The following ERGIC1 variants were observed in gnomAD, a reference collection of about 807,000 sequenced individuals.
ERGIC1 encodes endoplasmic reticulum-golgi intermediate compartment 1, also known as endoplasmic reticulum-Golgi intermediate compartment protein 1.
In ERGIC1, 19 loss-of-function variants were observed where a neutral mutation model predicts 38.3. The observed-to-expected ratio is 0.50, with a 90% CI of 0.35 to 0.73. ERGIC1 has a LOEUF of 0.73. ERGIC1 is among the 30% of genes least tolerant of loss of function. ERGIC1 has a pLI of 0.01. For missense variants in ERGIC1, 294 were observed against 389.2 expected (o/e 0.76, Z 2.06); for synonymous variants, 124 against 157.6 (o/e 0.79, Z 1.60).
intron 1 of ERGIC1, among the ~76,000 whole-genome samples, chr5:172,868,508 T>C (rs1004883477): frequency 3.3e-5 from 5 of 152,148 alleles, no homozygotes; most frequent in Admixed American, 2.0e-4. Context: ...AAGGCAAAAC[T>C]ATGGAGACGG....
intron 1 of ERGIC1, among the ~76,000 whole-genome samples, chr5:172,881,117 C>T (rs1762271665): frequency 6.6e-6 from 1 of 152,100 alleles, no homozygotes; most frequent in African/African-American, 2.4e-5. Context: ...CATGGTGGCA[C>T]ATGCCTGTAA....
chr5:172,876,157 C>T (rs1762136019), intron 1 of ERGIC1, among the ~76,000 whole-genome samples: 1 of 152,148 alleles, frequency 6.6e-6, no homozygotes, highest in Admixed American at 6.5e-5. Context: ...TCACTGCGTT[C>T]AGGCAGGCAG....
chr5:172,838,848 C>T (rs888156841), intron 1 of ERGIC1, among the ~76,000 whole-genome samples: 2 of 152,350 alleles, frequency 1.3e-5, no homozygotes, highest in East Asian at 3.9e-4. Context: ...TAACATTCAG[C>T]AGAGAGTAGC....
chr5:172,868,136 G>A (rs1449957142), intron 1 of ERGIC1, among the ~76,000 whole-genome samples: 1 of 152,242 alleles, frequency 6.6e-6, no homozygotes, highest in Admixed American at 6.5e-5. Context: ...CTTGCTACGT[G>A]CTGGGAGCTG....
chr5:172,893,911 G>GTATATATATATATATACACACA (rs1581549097), intron 2 of ERGIC1, among the ~76,000 whole-genome samples: 1 of 35,072 alleles, frequency 2.9e-5, no homozygotes, highest in South Asian at 9.8e-4. Context: ...ATATATGTGT[G>GTATATATATATATATACACACA]TGTGTGTGTG....
Position 172,888,753 on chromosome 5 carries a change from G to A in ERGIC1, c.75G>A (p.Gly25=), listed in dbSNP as rs1762482884. The change falls in exon 2 of 10, where the codon GGG becomes GGA. Residue 25 remains glycine (G), a synonymous_variant. Coordinates refer to ENST00000393784, the MANE Select transcript of ERGIC1 (RefSeq NM_001031711.3). ...PKDLTQPTYT[G]AIISICCCLF... is the part of the protein sequence containing the mutation. ...ACCTTACGCAGCCAACGTACACCGG[G>A]GCCATTAGTGAGTAGCCAACCTCTG... 1 of 1,614,104 alleles carries A rather than the reference G, an allele frequency of 6.2e-7. No individual in the cohort carries two copies. The highest frequency in any genetic ancestry group is 8.5e-7 in the Non-Finnish European group (1 of 1,179,994).
At chr5:172,894,112 G>T (rs1237552465) in intron 2 of ERGIC1, among the ~76,000 whole-genome samples, 32 of 43,940 alleles carry the variant, frequency 7.3e-4, no homozygotes, top group African/African-American at 1.3e-3. Flanking sequence ...TTTTCTCACT[G>T]TCTTATGGTG....
Position 172,834,584 on chromosome 5 carries a change from C to CA in ERGIC1, c.20+151_20+152insA, listed in dbSNP as rs1008285428. The CA allele has an allele frequency of 1.5e-5, 11 of 714,596 alleles. No homozygotes were observed. Among genetic ancestry groups the CA allele is most frequent in the South Asian group, 6.9e-5 (1 of 14,572 alleles). The allele number at this position is 714,596 out of a possible 1,614,324, so 44.3% of individuals were successfully genotyped here. On this transcript the variant is annotated intron_variant, in intron 1 of 9. Transcript: ENST00000393784. The surrounding 1 kb of genome is among the most constrained non-coding windows in gnomAD (Gnocchi z 4.1). ...GCCCCTAGGGACCCCAGGCGAGCCC[C>CA]CCCCCTGCCGCACACGAAGCCAGCC... is the stretch of plus-strand genomic sequence containing the variant.
At chr5:172,899,564 G>T (rs1412355873) in intron 3 of ERGIC1, among the ~76,000 whole-genome samples, 1 of 151,832 alleles carries the variant, frequency 6.6e-6, no homozygotes, top group Admixed American at 6.6e-5. Context: ...TGATCCACCC[G>T]CCTCAGCCTG....
rs368666250 is a variant in ERGIC1 at position 172,873,079 on chromosome 5, C to T, written c.21-15620C>T. ...GCCACGGGCATGAGAATCCAGTCCC[C>T]GGAATAGCTCCTGCCGCTCAGCGTT... On this transcript the variant is annotated intron_variant, in intron 1 of 9. Transcript: ENST00000393784. Among the ~76,000 whole-genome samples, 79 of 152,350 alleles carry T rather than the reference C, an allele frequency of 5.2e-4. No individual in the cohort carries two copies. In the South Asian group the frequency reaches 0.016, roughly 31 times the overall value.
At chr5:172,915,638 T>C (rs1290381645) in intron 5 of ERGIC1, 3 of 471,018 alleles carry the variant, frequency 6.4e-6, no homozygotes, top group Non-Finnish European at 8.8e-6. Flanking sequence ...CGAAGCTCGG[T>C]ACTGTCACAG....
intron 1 of ERGIC1, among the ~76,000 whole-genome samples, chr5:172,849,675 G>A (rs1026459983): frequency 2.0e-5 from 3 of 152,206 alleles, no homozygotes; most frequent in African/African-American, 7.2e-5. Context: ...TTGATGGCAG[G>A]AGTCATATGT....
At chr5:172,866,191 C>G (rs367696012) in intron 1 of ERGIC1, among the ~76,000 whole-genome samples, 40 of 152,288 alleles carry the variant, frequency 2.6e-4, no homozygotes, top group Middle Eastern at 6.8e-3. Context: ...GAGGTCAAGA[C>G]AGTTGGAGCA....
At chr5:172,928,307 C>T (rs192346107) in intron 7 of ERGIC1, among the ~76,000 whole-genome samples, 1 of 152,298 alleles carries the variant, frequency 6.6e-6, no homozygotes, top group East Asian at 1.9e-4. Context: ...TGAGATCAAG[C>T]AATGGACAGC....
At chr5:172,885,122 T>C (rs982239710) in intron 1 of ERGIC1, among the ~76,000 whole-genome samples, 18 of 152,162 alleles carry the variant, frequency 1.2e-4, no homozygotes, top group African/African-American at 4.3e-4. Context: ...TTTTTATTTT[T>C]TAATTTTTAT....
At chr5:172,847,578 A>T (rs1048050679) in intron 1 of ERGIC1, among the ~76,000 whole-genome samples, 2 of 152,110 alleles carry the variant, frequency 1.3e-5, no homozygotes, top group Non-Finnish European at 2.9e-5. Flanking sequence ...CAGTGGCATG[A>T]TCTCGGCTCA....
At chr5:172,930,219 A>G (rs2113464272) in intron 7 of ERGIC1, among the ~76,000 whole-genome samples, 1 of 150,034 alleles carries the variant, frequency 6.7e-6, no homozygotes, top group East Asian at 2.0e-4. Context: ...GTATGGTCCT[A>G]TTTTAGGAAA....
At chr5:172,898,922 A>G (rs1762801039) in intron 3 of ERGIC1, among the ~76,000 whole-genome samples, 1 of 152,172 alleles carries the variant, frequency 6.6e-6, no homozygotes, top group African/African-American at 2.4e-5. Context: ...CAGAGCTCGA[A>G]GCAGGGAGAG....
chr5:172,920,434 C>A (rs374291850), intron 5 of ERGIC1: 44 of 717,668 alleles, frequency 6.1e-5, no homozygotes, highest in East Asian at 4.3e-4. Context: ...CCAGAGACCC[C>A]ACGGTGACCT....
Sources: allele counts gnomAD v4.1 joint callset (sites outside exome capture counted in the v4.1 genomes callset), GRCh38; gene constraint gnomAD v4.1.1; non-coding constraint Gnocchi (gnomAD v3.1); transcripts MANE v1.5; gene names NCBI Gene and HGNC (gene_info 2026-07-23, HGNC 2026-07-21).